Variants in WNT2B observed in about 807,000 individuals in gnomAD.
The protein encoded by WNT2B is Wnt family member 2B.
WNT2B carries 19 observed loss-of-function variants against 40.5 expected under a neutral mutation model. The ratio of observed to expected loss-of-function variants is 0.47; its 90% confidence interval spans 0.33 to 0.69. The LOEUF is 0.69. Ranked by LOEUF, WNT2B falls within the 30% of genes least tolerant of loss-of-function variation. WNT2B has a pLI of 0.02. For synonymous variants in WNT2B, 220 were observed against 211.9 expected, an observed-to-expected ratio of 1.04 and a Z score of -0.33; for missense variants, 467 against 556.4, an observed-to-expected ratio of 0.84 and a Z score of 1.62.
At chr1:112,489,591 AG>A (rs1364401068) in intron 1 of WNT2B, among the ~76,000 whole-genome samples, 8 of 152,034 alleles carry the variant, frequency 5.3e-5, no homozygotes, top group Non-Finnish European at 1.2e-4. Flanking sequence ...AAACCCAAAG[AG>A]GTCTAAAGTC....
chr1:112,473,900 CA>C (rs1253321068), intron 1 of WNT2B, among the ~76,000 whole-genome samples: 7,315 of 114,302 alleles, frequency 0.064, 182 homozygotes, highest in Non-Finnish European at 0.079. Context: ...ACTAAAAATA[CA>C]AAAAAAAAAA....
chr1:112,525,988 C>T lies in WNT2B; in HGVS notation c.*5479C>T. 14 of 1,613,248 alleles carry T rather than the reference C, an allele frequency of 8.7e-6. No homozygotes were observed. The highest frequency in any genetic ancestry group is 1.2e-5 in the Non-Finnish European group (14 of 1,179,524). On this transcript the variant is annotated 3_prime_UTR_variant, in exon 5 of 5. Transcript: ENST00000369684. ...GTTCAGAAAAATTTGGTGATTTGTC[C>T]AAGGTCACATGAACAGTGCGTGGCT...
At position 112,517,839 on chromosome 1, in the gene WNT2B, A is replaced by G. The variant is rs190179330; in HGVS notation, c.946+454A>G. On this transcript the variant is annotated intron_variant, in intron 4 of 4. Transcript: ENST00000369684. ...ATAAAGTTTATTTGAAAATGTAGGG[A>G]AAAAAAAGAAACTAGAATTTAAGCT... The G allele has an allele frequency of 4.0e-3, 625 of 156,572 alleles. 2 individuals are homozygous for G. Among genetic ancestry groups the G allele is most frequent in the African/African-American group, 0.014 (597 of 41,620 alleles). The allele number at this position is 156,572 out of a possible 1,614,324, so 9.7% of individuals were successfully genotyped here.
upstream of WNT2B, among the ~76,000 whole-genome samples, chr1:112,505,536 A>G (rs973056784): frequency 1.3e-5 from 2 of 152,146 alleles, no homozygotes; most frequent in African/African-American, 4.8e-5. Flanking sequence ...GAATAAAATG[A>G]AGATGCAGGT....
intron 1 of WNT2B, among the ~76,000 whole-genome samples, chr1:112,489,570 A>C (rs915719612): frequency 1.3e-5 from 2 of 152,154 alleles, no homozygotes; most frequent in African/African-American, 4.8e-5. Context: ...TCTCAAAAAC[A>C]AACAAACAAA....
chr1:112,482,288 C>T (rs1175718026), intron 1 of WNT2B, among the ~76,000 whole-genome samples: 1 of 152,080 alleles, frequency 6.6e-6, no homozygotes, highest in African/African-American at 2.4e-5. Flanking sequence ...TACTACACTC[C>T]AACCTGGATG....
chr1:112,490,884 C>T, intron 1 of WNT2B: 1 of 904,308 alleles, frequency 1.1e-6, no homozygotes, highest in Non-Finnish European at 1.7e-6. Context: ...TTTACCTCTT[C>T]CGGAAAGATC....
chr1:112,483,243 A>T (rs970852455), intron 1 of WNT2B, among the ~76,000 whole-genome samples: 8 of 151,442 alleles, frequency 5.3e-5, no homozygotes, highest in Non-Finnish European at 1.0e-4. Context: ...CACACACATT[A>T]TAGTAATGAA....
At chr1:112,467,409 G>T in exon 1 of WNT2B, 1 of 646,606 alleles carries the variant, frequency 1.5e-6, no homozygotes, top group Non-Finnish European at 2.8e-6. Context: ...CACTGGCATG[G>T]CCCCTTCCAA....
In WNT2B at chr1:112,527,786, C is replaced by G. The variant is rs1653701885; in HGVS notation, c.*7277C>G. 1 of 152,244 alleles carries G rather than the reference C, an allele frequency of 6.6e-6. No individual in the cohort carries two copies. The highest frequency in any genetic ancestry group is 2.4e-5 in the African/African-American group (1 of 41,442). The allele number at this position is 152,244 out of a possible 1,614,324, so 9.4% of individuals were successfully genotyped here. Reference sequence around the variant, plus strand: ...TTAACTCCTTCCCAATTGTAGGGATCTATTCAGCAGGCTGCCACACACATG... The same window carrying G: ...TTAACTCCTTCCCAATTGTAGGGATGTATTCAGCAGGCTGCCACACACATG... On this transcript the variant is annotated 3_prime_UTR_variant, in exon 5 of 5. Coordinates refer to ENST00000369684, the MANE Select transcript of WNT2B (RefSeq NM_024494.3).
At chr1:112,472,792 G>A (rs115305263) in intron 1 of WNT2B, among the ~76,000 whole-genome samples, 4,751 of 151,916 alleles carry the variant, frequency 0.031, 247 homozygotes, top group African/African-American at 0.11. Context: ...GAGAAACCTT[G>A]TCTCTACAAA....
chr1:112,492,116 C>T (rs1046352274), intron 1 of WNT2B, among the ~76,000 whole-genome samples: 1 of 151,912 alleles, frequency 6.6e-6, no homozygotes, highest in Admixed American at 6.6e-5. Context: ...ACTTATTTTC[C>T]ACAATATGTA....
At chr1:112,513,860 C>A (rs1030540615) in intron 1 of WNT2B, among the ~76,000 whole-genome samples, 5 of 152,160 alleles carry the variant, frequency 3.3e-5, no homozygotes, top group African/African-American at 1.2e-4. Flanking sequence ...TGGAGCTGGG[C>A]TGTTGAGCTG....
chr1:112,506,182 A>T (rs888344752), upstream of WNT2B, among the ~76,000 whole-genome samples: 2 of 152,004 alleles, frequency 1.3e-5, no homozygotes, highest in Non-Finnish European at 2.9e-5. Flanking sequence ...AATTTAAAAA[A>T]TTTTTTGGGT....
chr1:112,485,434 C>G (rs1287932549), intron 1 of WNT2B, among the ~76,000 whole-genome samples: 1 of 149,234 alleles, frequency 6.7e-6, no homozygotes, highest in Admixed American at 6.7e-5. Context: ...GCACTCCAGC[C>G]TGGGCGACAA....
Position 112,528,432 on chromosome 1 carries a change from C to T in WNT2B, c.*7923C>T, listed in dbSNP as rs530218852. Reference sequence around the variant, plus strand: ...AGCCACATAGTATCTTGATTTATGTCAGTAAACATCAGGGCACCTATGGAA... The same window carrying T: ...AGCCACATAGTATCTTGATTTATGTTAGTAAACATCAGGGCACCTATGGAA... On this transcript the variant is annotated 3_prime_UTR_variant, in exon 5 of 5. Transcript: ENST00000369684. 5.9e-5 allele frequency: 9 copies of T among 152,176 alleles called. No homozygotes were observed. Among genetic ancestry groups the T allele is most frequent in the Non-Finnish European group, 1.5e-5 (1 of 68,008 alleles). The allele number at this position is 152,176 out of a possible 1,614,324, so 9.4% of individuals were successfully genotyped here.
Position 112,529,555 on chromosome 1 carries a change from A to C in WNT2B, c.*9046A>C, listed in dbSNP as rs371410094. ...GGATTTCAATACTCATAAAATATCT[A>C]ACTGGCTTATTTTTCATCTGTTCTC... On this transcript the variant is annotated 3_prime_UTR_variant, in exon 5 of 5. Coordinates refer to ENST00000369684, the MANE Select transcript of WNT2B (RefSeq NM_024494.3). 6.6e-6 allele frequency: 1 copy of C among 152,156 alleles called. No homozygotes were observed. The highest frequency in any genetic ancestry group is 1.9e-4 in the East Asian group (1 of 5,196). 9.4% of individuals were successfully genotyped at this position (152,156 alleles called of 1,614,324 possible).
At chr1:112,498,600 AATTCT>A (rs1651852956) in intron 1 of WNT2B, among the ~76,000 whole-genome samples, 1 of 151,714 alleles carries the variant, frequency 6.6e-6, no homozygotes, top group Admixed American at 6.6e-5. Context: ...CCTTCCACTA[AATTCT>A]AGGACATGGA....
chr1:112,519,199 A>AAAC (rs1165063434), intron 4 of WNT2B, among the ~76,000 whole-genome samples: 7 of 152,228 alleles, frequency 4.6e-5, no homozygotes, highest in African/African-American at 1.2e-4. Flanking sequence ...CCTATCATTA[A>AAAC]AACAATTTGA....
Sources: allele counts gnomAD v4.1 joint callset (sites outside exome capture counted in the v4.1 genomes callset), GRCh38; gene constraint gnomAD v4.1.1; transcripts MANE v1.5; gene names NCBI Gene and HGNC (gene_info 2026-07-23, HGNC 2026-07-21).